Variants in GDA observed in about 807,000 individuals in gnomAD.
The protein encoded by GDA is guanine deaminase, also known as cytoplasmic PSD-95 interactor.
GDA carries 18 observed loss-of-function variants against 59.6 expected under a neutral mutation model. That is an observed-to-expected ratio of 0.30 (90% confidence interval 0.21 to 0.45). GDA has a LOEUF of 0.45. Ranked by LOEUF, GDA falls within the 20% of genes least tolerant of loss-of-function variation. The pLI is 1.00. For synonymous variants in GDA, 201 were observed against 201.1 expected, an observed-to-expected ratio of 1.00 and a Z score of 0.00; for missense variants, 427 against 552.3, an observed-to-expected ratio of 0.77 and a Z score of 2.27.
chr9:72,181,869 T>A (rs1414262464), intron 1 of GDA, among the ~76,000 whole-genome samples: 1 of 152,198 alleles, frequency 6.6e-6, no homozygotes, highest in Non-Finnish European at 1.5e-5. Flanking sequence ...GTTAAAATTT[T>A]TTATTTTTAA....
chr9:72,203,898 C>A (rs1223529450), intron 3 of GDA, among the ~76,000 whole-genome samples: 2 of 151,958 alleles, frequency 1.3e-5, no homozygotes, highest in South Asian at 2.1e-4. Context: ...CTCACTGCAA[C>A]CTCTGCTGCC....
intron 1 of GDA, among the ~76,000 whole-genome samples, chr9:72,191,521 G>A (rs905534822): frequency 6.7e-6 from 1 of 150,014 alleles, no homozygotes; most frequent in African/African-American, 2.5e-5. Context: ...GCCCAGGCCA[G>A]ACTGCAGTGG....
At chr9:72,232,111 C>T (rs1210697764) in intron 10 of GDA, among the ~76,000 whole-genome samples, 2 of 152,194 alleles carry the variant, frequency 1.3e-5, no homozygotes, top group African/African-American at 4.8e-5. Context: ...TCTAGGTGTC[C>T]TCTGTGAGGC....
Position 72,250,311 on chromosome 9 carries a change from A to G in GDA, c.*1969A>G. On this transcript the variant is annotated 3_prime_UTR_variant, in exon 14 of 14. Coordinates refer to ENST00000358399, the MANE Select transcript of GDA (RefSeq NM_004293.5). ...ACACTTTTACCTTCTTTAAGGGTGT[A>G]CATTTTGATGTTGAACATCAGTTTT... The G allele has an allele frequency of 9.7e-7, 1 of 1,030,178 alleles. No homozygotes were observed. The highest frequency in any genetic ancestry group is 1.2e-6 in the Non-Finnish European group (1 of 858,680). 63.8% of individuals were successfully genotyped at this position (1,030,178 alleles called of 1,614,324 possible). A position where few individuals can be genotyped will look rare whatever the true frequency, so the allele number is the denominator to read the frequency against.
intron 7 of GDA, among the ~76,000 whole-genome samples, chr9:72,223,815 C>T (rs1435229011): frequency 6.6e-6 from 1 of 152,052 alleles, no homozygotes; most frequent in Non-Finnish European, 1.5e-5. Flanking sequence ...TGAGAGTTCC[C>T]CTTCTCCCAT....
At chr9:72,154,564 C>A (rs1827665858) in intron 1 of GDA, among the ~76,000 whole-genome samples, 1 of 152,136 alleles carries the variant, frequency 6.6e-6, no homozygotes, top group African/African-American at 2.4e-5. Flanking sequence ...TGTCATTGAT[C>A]CCCTGGGACC....
chr9:72,141,145 C>T (rs1338832205), intron 1 of GDA, among the ~76,000 whole-genome samples: 2 of 152,038 alleles, frequency 1.3e-5, no homozygotes, highest in Non-Finnish European at 2.9e-5. Context: ...TTTACTGATT[C>T]CCTATTATAT....
intron 2 of GDA, among the ~76,000 whole-genome samples, chr9:72,198,840 TA>T (rs1174276505): frequency 1.4e-5 from 2 of 147,920 alleles, no homozygotes; most frequent in East Asian, 2.0e-4. Flanking sequence ...TAAGCATATA[TA>T]GGGGGATATA....
intron 1 of GDA, among the ~76,000 whole-genome samples, chr9:72,187,262 G>T (rs78492901): frequency 0.04 from 6,099 of 152,228 alleles, 406 homozygotes; most frequent in African/African-American, 0.14. Flanking sequence ...CTATTAAGAG[G>T]TGGGGCCTTT....
chr9:72,149,844 C>A (rs1826935315), intron 1 of GDA, among the ~76,000 whole-genome samples, 162 bp downstream of exon 1: 1 of 152,200 alleles, frequency 6.6e-6, no homozygotes. Context: ...GCAGAGAGAA[C>A]CCTGGCGCTA....
At chr9:72,234,402 T>C (rs965845861) in intron 10 of GDA, among the ~76,000 whole-genome samples, 3 of 152,240 alleles carry the variant, frequency 2.0e-5, no homozygotes, top group African/African-American at 7.2e-5. Context: ...ATATATGTAT[T>C]ATGATATTTT....
upstream of GDA, among the ~76,000 whole-genome samples, chr9:72,146,108 T>C (rs1484601845): frequency 7.7e-6 from 1 of 129,364 alleles, no homozygotes; most frequent in African/African-American, 3.1e-5. Flanking sequence ...AGAGCAGAAA[T>C]GTAAAGATAT....
At chr9:72,219,831 A>C (rs1836625214) in intron 6 of GDA, among the ~76,000 whole-genome samples, 2 of 152,242 alleles carry the variant, frequency 1.3e-5, no homozygotes, top group South Asian at 4.1e-4. Flanking sequence ...CACACGCTGT[A>C]CACTAGATCC....
intron 10 of GDA, among the ~76,000 whole-genome samples, chr9:72,232,634 T>C (rs566422449): frequency 1.1e-4 from 17 of 152,342 alleles, no homozygotes; most frequent in African/African-American, 4.1e-4. Flanking sequence ...CAGTCAGATA[T>C]TGTTTTCAGA....
At chr9:72,206,341 T>C (rs964583089) in intron 3 of GDA, among the ~76,000 whole-genome samples, 17 of 152,190 alleles carry the variant, frequency 1.1e-4, no homozygotes, top group Admixed American at 4.6e-4. Context: ...CTACGTCCTA[T>C]GTTATATCAT....
At chr9:72,259,499 C>T (rs978987551), downstream of GDA, among the ~76,000 whole-genome samples, 1 of 152,180 alleles carries the variant, frequency 6.6e-6, no homozygotes, top group Non-Finnish European at 1.5e-5. Flanking sequence ...ATACTGGCAG[C>T]TGGAGGCAGA....
intron 1 of GDA, 46 bp downstream of exon 1, chr9:72,149,728 G>A: frequency 6.5e-7 from 1 of 1,536,188 alleles, no homozygotes; most frequent in South Asian, 1.2e-5. Flanking sequence ...CGGGAGGATA[G>A]GTGCAAGGAA....
At chr9:72,192,423 G>A (rs1272094707) in intron 1 of GDA, among the ~76,000 whole-genome samples, 1 of 149,782 alleles carries the variant, frequency 6.7e-6, no homozygotes, top group East Asian at 2.0e-4. Flanking sequence ...GTAGAGACGG[G>A]TTTTCACCAA....
chr9:72,155,318 T>C (rs772763501), intron 1 of GDA, among the ~76,000 whole-genome samples: 1 of 152,108 alleles, frequency 6.6e-6, no homozygotes, highest in African/African-American at 2.4e-5. Flanking sequence ...GAGAACAGTA[T>C]GGGGGAAACT....
Sources: gnomAD v4.1 joint callset for allele counts (sites outside exome capture counted in the v4.1 genomes callset) on GRCh38, gnomAD v4.1.1 for gene constraint, MANE v1.5 for transcripts, NCBI Gene and HGNC (gene_info 2026-07-23, HGNC 2026-07-21) for gene names.